The following GNAO1 variants were observed in gnomAD, a reference collection of about 807,000 sequenced individuals.
GNAO1 encodes guanine nucleotide-binding protein G(o) subunit alpha.
For missense variants in GNAO1, 166 were observed against 478.7 expected (o/e 0.35, Z 6.10); for synonymous variants, 164 against 180.7 (o/e 0.91, Z 0.74).
chr16:56,248,214 A>G (rs2036767008), intron 2 of GNAO1, among the ~76,000 whole-genome samples: 1 of 152,220 alleles, frequency 6.6e-6, no homozygotes, highest in Admixed American at 6.5e-5. Context: ...AATATGCAAA[A>G]ACTTTCACCA....
chr16:56,263,160 G>T (rs780476770), intron 2 of GNAO1, among the ~76,000 whole-genome samples: 1 of 152,220 alleles, frequency 6.6e-6, no homozygotes, highest in African/African-American at 2.4e-5. Flanking sequence ...TATTCAGTCC[G>T]CAAGGTGGAG....
chr16:56,355,207 T>TTATATATATATATA (rs57085646), intron 8 of GNAO1, 126 bp downstream of exon 8: 1 of 197,506 alleles, frequency 5.1e-6, no homozygotes, highest in Admixed American at 6.1e-5. Flanking sequence ...TAACAAAACC[T>TTATATATATATATA]TATATATATA....
At position 56,217,971 on chromosome 16, in the gene GNAO1, T is replaced by G. The variant is rs572589112; in HGVS notation, c.161+25355T>G. 1.8e-4 allele frequency among the ~76,000 whole-genome samples: 27 copies of G among 152,364 alleles called. No individual in the cohort carries two copies. The East Asian group carries it at 5.2e-3, about 29-fold the overall frequency. On this transcript the variant is annotated intron_variant, in intron 2 of 8. Transcript: ENST00000262493. ...ACAGAGAATGTGCTGTGTATGTTCC[T>G]AGGAGGAAAGAGGCATTTGTTCAGA...
intron 3 of GNAO1, among the ~76,000 whole-genome samples, chr16:56,318,226 GGA>G (rs1339219346): frequency 1.3e-5 from 2 of 152,222 alleles, no homozygotes; most frequent in Admixed American, 1.3e-4. Flanking sequence ...CGGAGAGAAC[GGA>G]GAGAACGTGA....
chr16:56,311,124 C>T lies in GNAO1; in HGVS notation c.304-17507C>T, dbSNP rs1266080525. Among the ~76,000 whole-genome samples, 2 of 149,534 alleles carry T rather than the reference C, an allele frequency of 1.3e-5. No homozygotes were observed. Among genetic ancestry groups the T allele is most frequent in the South Asian group, 2.1e-4 (1 of 4,748 alleles). On this transcript the variant is annotated intron_variant, in intron 3 of 8. Transcript: ENST00000262493. The surrounding 1 kb of genome is among the most constrained non-coding windows in gnomAD (Gnocchi z 5.2). ...ACCTGCAGAAAGGAACTCCTTTTTT[C>T]TAATTGTACCGGCTGGCTTCTATCT...
chr16:56,306,878 C>G (rs1279604140), intron 3 of GNAO1: 2 of 152,406 alleles, frequency 1.3e-5, no homozygotes, highest in Admixed American at 1.3e-4. Flanking sequence ...AGCGTGGGGC[C>G]TCGGGCACAA....
intron 3 of GNAO1, among the ~76,000 whole-genome samples, chr16:56,283,375 G>A (rs1272738039): frequency 3.3e-5 from 5 of 152,160 alleles, no homozygotes; most frequent in African/African-American, 1.2e-4. Flanking sequence ...GTTCCACCAG[G>A]GGCCTTCACT....
At chr16:56,216,092 A>C (rs1470404454) in intron 2 of GNAO1, among the ~76,000 whole-genome samples, 1 of 152,168 alleles carries the variant, frequency 6.6e-6, no homozygotes, top group African/African-American at 2.4e-5. Context: ...TGCTAAGTGC[A>C]CCATTCTTTA....
At chr16:56,355,723 T>G (rs1400901286) in intron 8 of GNAO1, 4 of 152,262 alleles carry the variant, frequency 2.6e-5, no homozygotes, top group African/African-American at 9.6e-5. Flanking sequence ...TTTATTCATG[T>G]TAAGATGGCA....
At position 56,308,719 on chromosome 16, in the gene GNAO1, T is replaced by A. The variant is rs779641079; in HGVS notation, c.304-19912T>A. Reference sequence around the variant, plus strand: ...GTTGGAGACAGAGGAGGGATCACAGTGGACTGAGGTGAACCGGCACCCACG... The same window carrying A: ...GTTGGAGACAGAGGAGGGATCACAGAGGACTGAGGTGAACCGGCACCCACG... On this transcript the variant is annotated intron_variant, in intron 3 of 8. Transcript: ENST00000262493. Among the ~76,000 whole-genome samples the A allele has an allele frequency of 2.6e-5, 4 of 151,750 alleles. No individual in the cohort carries two copies. In the East Asian group the frequency reaches 7.8e-4, roughly 29 times the overall value.
At chr16:56,295,508 G>A (rs542239050) in intron 3 of GNAO1, among the ~76,000 whole-genome samples, 28 of 152,088 alleles carry the variant, frequency 1.8e-4, no homozygotes, top group Non-Finnish European at 3.4e-4. Flanking sequence ...AGCACCCCAG[G>A]GCCAGCCCAT....
At chr16:56,300,592 G>C (rs1361715738) in intron 3 of GNAO1, 1 of 152,216 alleles carries the variant, frequency 6.6e-6, no homozygotes, top group African/African-American at 2.4e-5. Context: ...AGTCCAGACT[G>C]AATCTGGGGT....
intron 3 of GNAO1, chr16:56,300,618 G>T (rs1371639179): frequency 6.6e-6 from 1 of 152,188 alleles, no homozygotes; most frequent in Non-Finnish European, 1.5e-5. Flanking sequence ...ACCTCCAAAT[G>T]CTTCCCTGGG....
intron 3 of GNAO1, among the ~76,000 whole-genome samples, chr16:56,297,428 G>A (rs2095104882): frequency 1.3e-5 from 2 of 151,902 alleles, no homozygotes; most frequent in South Asian, 4.2e-4. Flanking sequence ...ACTCAGACCT[G>A]GGATTTCTAA....
chr16:56,232,000 G>A (rs1436730243), intron 2 of GNAO1, among the ~76,000 whole-genome samples: 2 of 152,084 alleles, frequency 1.3e-5, no homozygotes, highest in African/African-American at 2.4e-5. Context: ...GAGGAGGGGG[G>A]CCCAGACCAT....
At chr16:56,239,896 GC>G (rs1181463299) in intron 2 of GNAO1, among the ~76,000 whole-genome samples, 1 of 152,200 alleles carries the variant, frequency 6.6e-6, no homozygotes, top group Non-Finnish European at 1.5e-5. Context: ...CTATAGCATT[GC>G]CTTGGGGTAG....
chr16:56,214,220 T>C (rs2036418894), intron 2 of GNAO1, among the ~76,000 whole-genome samples: 1 of 152,196 alleles, frequency 6.6e-6, no homozygotes, highest in African/African-American at 2.4e-5. Context: ...TGCTGGGGCT[T>C]CCCGTTGGCC....
At position 56,336,738 on chromosome 16, in the gene GNAO1, G is replaced by C. The variant is rs567136805; in HGVS notation, c.601G>C (p.Asp201His). ...GCTCCCTGCCTCCTACAGGCTGTTT[G>C]ACGTCGGAGGCCAGCGATCTGAACG... ...TFKNLHFRLF[D>H]VGGQRSERKK... Residue 201 changes from aspartate to histidine, a missense_variant, in exon 6 of 9, where the codon GAC becomes CAC. Asp to His is a moderately conservative substitution (Grantham distance 81). Coordinates refer to ENST00000262493, the MANE Select transcript of GNAO1 (RefSeq NM_020988.3). 6.2e-7 allele frequency: 1 copy of C among 1,610,938 alleles called. No homozygotes were observed. The highest frequency in any genetic ancestry group is 2.2e-5 in the East Asian group (1 of 44,770).
intron 3 of GNAO1, among the ~76,000 whole-genome samples, chr16:56,281,168 C>A (rs983773661): frequency 5.3e-5 from 8 of 152,170 alleles, no homozygotes; most frequent in East Asian, 1.9e-4. Context: ...ACATGGAAGC[C>A]TAACAAGACT....
Sources: gnomAD v4.1 joint callset for allele counts (sites outside exome capture counted in the v4.1 genomes callset) on GRCh38, gnomAD v4.1.1 for gene constraint, Gnocchi (gnomAD v3.1) non-coding constraint, MANE v1.5 for transcripts, NCBI Gene and HGNC (gene_info 2026-07-23, HGNC 2026-07-21) for gene names.